The following PTPRA variants were observed in gnomAD, a reference collection of about 807,000 sequenced individuals.
The protein encoded by PTPRA is protein tyrosine phosphatase receptor type A.
PTPRA carries 25 observed loss-of-function variants against 104.8 expected under a neutral mutation model. The observed-to-expected ratio is 0.24, with a 90% CI of 0.17 to 0.33. PTPRA has a LOEUF of 0.33. Among genes scored for constraint, PTPRA ranks in the 10% least tolerant of loss-of-function variants. PTPRA has a pLI of 1.00. For missense variants in PTPRA, 765 were observed against 1,015.3 expected (o/e 0.75, Z 3.35); for synonymous variants, 323 against 368.9 (o/e 0.88, Z 1.43).
intron 17 of PTPRA, 32 bp downstream of exon 17, chr20:3,024,653 T>C: frequency 5.0e-6 from 8 of 1,611,624 alleles, no homozygotes; most frequent in Non-Finnish European, 6.8e-6. Flanking sequence ...TCCTTCAGAT[T>C]GAAGGATCCT....
intron 9 of PTPRA, among the ~76,000 whole-genome samples, chr20:3,000,915 T>C (rs2063597212): frequency 6.6e-6 from 1 of 152,136 alleles, no homozygotes; most frequent in African/African-American, 2.4e-5. Flanking sequence ...GAAGAGGATA[T>C]AAGGAGAGGA....
At chr20:2,960,848 CT>C (rs948883669) in intron 3 of PTPRA, among the ~76,000 whole-genome samples, 249 of 141,784 alleles carry the variant, frequency 1.8e-3, no homozygotes, top group Middle Eastern at 7.4e-3. Context: ...TTTTTATTTT[CT>C]TTTTTTTTTT....
At chr20:2,903,347 A>C (rs2059304232) in intron 1 of PTPRA, among the ~76,000 whole-genome samples, 1 of 152,164 alleles carries the variant, frequency 6.6e-6, no homozygotes, top group Non-Finnish European at 1.5e-5. Flanking sequence ...TGCCTAGCTT[A>C]TAGGGAACAC....
chr20:2,962,672 ATAAAATGTAAGTTT>A (rs2061796867), intron 3 of PTPRA, among the ~76,000 whole-genome samples: 1 of 152,206 alleles, frequency 6.6e-6, no homozygotes, highest in Non-Finnish European at 1.5e-5. Context: ...AAACAGAGTT[ATAAAATGTAAGTTT>A]TATGAAAATC....
intron 20 of PTPRA, among the ~76,000 whole-genome samples, chr20:3,032,973 A>T (rs1225466591): frequency 6.6e-6 from 1 of 151,194 alleles, no homozygotes; most frequent in Non-Finnish European, 1.5e-5. Flanking sequence ...CCTCTTCCTC[A>T]GAACACTTAC....
chr20:3,028,333 A>G (rs1253739545), intron 20 of PTPRA, among the ~76,000 whole-genome samples: 1 of 152,252 alleles, frequency 6.6e-6, no homozygotes, highest in African/African-American at 2.4e-5. Context: ...TTATACAAAC[A>G]AGAAACTTAC....
At chr20:2,911,195 T>C (rs941362836) in intron 1 of PTPRA, among the ~76,000 whole-genome samples, 2 of 152,194 alleles carry the variant, frequency 1.3e-5, no homozygotes, top group African/African-American at 4.8e-5. Flanking sequence ...CTGCTTTTGG[T>C]AGGATTCCAG....
At chr20:2,973,779 A>T (rs2062296517) in intron 5 of PTPRA, among the ~76,000 whole-genome samples, 1 of 152,114 alleles carries the variant, frequency 6.6e-6, no homozygotes, top group Admixed American at 6.5e-5. Context: ...AGGAGTCTCA[A>T]ATATAGTCTG....
intron 9 of PTPRA, among the ~76,000 whole-genome samples, chr20:2,996,935 C>T (rs75495404): frequency 0.02 from 3,035 of 152,198 alleles, 85 homozygotes; most frequent in African/African-American, 0.057. Context: ...TCTGACCAAG[C>T]TTCTGAGATT....
chr20:2,940,890 G>A lies in PTPRA; in HGVS notation c.-49-7092G>A, dbSNP rs1600145161. On this transcript the variant is annotated intron_variant, in intron 2 of 23. Transcript: ENST00000399903. ...GAAGTGAAACCATTGTCCCTTTCTTGTCCTGCTTTAGTGATACTGATATTT... is the reference window on the plus strand; with the variant it reads ...GAAGTGAAACCATTGTCCCTTTCTTATCCTGCTTTAGTGATACTGATATTT... 4.6e-5 allele frequency among the ~76,000 whole-genome samples: 7 copies of A among 151,984 alleles called. No homozygotes were observed. In the South Asian group the frequency reaches 1.5e-3, roughly 32 times the overall value.
intron 1 of PTPRA, among the ~76,000 whole-genome samples, chr20:2,879,846 G>T (rs551097483): frequency 6.6e-6 from 1 of 152,252 alleles, no homozygotes; most frequent in East Asian, 1.9e-4. Flanking sequence ...GCCTAGATAC[G>T]TAGCAAGCTG....
At chr20:2,866,861 C>A in the PTPRA span, 2 of 393,614 alleles carry the variant, frequency 5.1e-6, no homozygotes, top group Non-Finnish European at 9.2e-6. Context: ...CAGCCATACT[C>A]GCAAGAAACG....
At chr20:2,964,752 CTTGGTCTCCATATGT>C in intron 4 of PTPRA, 94 bp from the exon 5 acceptor site, 1 of 984,732 alleles carries the variant, frequency 1.0e-6, no homozygotes. Context: ...TTGGTCTTTG[CTTGGTCTCCATATGT>C]TTGAGAGTTT....
chr20:2,871,427 ATGAACACTTAC>A (rs1467595978), upstream of PTPRA, among the ~76,000 whole-genome samples: 2 of 152,174 alleles, frequency 1.3e-5, no homozygotes, highest in Non-Finnish European at 2.9e-5. Flanking sequence ...AATCTCAAAG[ATGAACACTTAC>A]TGCAATCACT....
chr20:2,994,360 T>A (rs982030564), intron 9 of PTPRA, among the ~76,000 whole-genome samples: 1 of 152,178 alleles, frequency 6.6e-6, no homozygotes, highest in Non-Finnish European at 1.5e-5. Context: ...TAAACTGACC[T>A]GGAAAGCTAC....
the PTPRA span, chr20:2,865,465 C>G: frequency 1.2e-6 from 2 of 1,614,074 alleles, no homozygotes; most frequent in Non-Finnish European, 1.7e-6. This position sits in a 1 kb window ranked among gnomAD's most constrained non-coding sequence, Gnocchi z 5.2. Flanking sequence ...AGAAGTTTTC[C>G]AAGAGCAAGA....
At chr20:2,954,254 T>G (rs927201492) in intron 3 of PTPRA, among the ~76,000 whole-genome samples, 2 of 151,938 alleles carry the variant, frequency 1.3e-5, no homozygotes, top group Admixed American at 1.3e-4. Flanking sequence ...ATTTTTTGTA[T>G]TTTTAGTAGA....
chr20:2,869,843 T>C (rs1176870399), upstream of PTPRA, among the ~76,000 whole-genome samples: 3 of 151,766 alleles, frequency 2.0e-5, no homozygotes, highest in African/African-American at 7.3e-5. Context: ...TGGCGGGTCC[T>C]GTAATCCCAG....
chr20:2,963,032 T>C (rs1250046079), intron 3 of PTPRA, among the ~76,000 whole-genome samples: 3 of 152,194 alleles, frequency 2.0e-5, no homozygotes, highest in Non-Finnish European at 2.9e-5. Flanking sequence ...TAGCTCAGTA[T>C]AGGGCATAAA....
Sources: gnomAD v4.1 joint callset for allele counts (sites outside exome capture counted in the v4.1 genomes callset) on GRCh38, gnomAD v4.1.1 for gene constraint, Gnocchi (gnomAD v3.1) non-coding constraint, MANE v1.5 for transcripts, NCBI Gene and HGNC (gene_info 2026-07-23, HGNC 2026-07-21) for gene names.